The following SLC6A12 variants were observed in gnomAD, a reference collection of about 807,000 sequenced individuals.
SLC6A12 encodes sodium- and chloride-dependent betaine transporter.
SLC6A12 carries 50 observed loss-of-function variants against 73.3 expected under a neutral mutation model. That is an observed-to-expected ratio of 0.68 (90% confidence interval 0.54 to 0.86). The LOEUF is 0.86. SLC6A12 is among the 40% of genes least tolerant of loss of function. The pLI is 0.00. For missense variants in SLC6A12, 648 were observed against 772.8 expected (o/e 0.84, Z 1.92); for synonymous variants, 304 against 309.2 (o/e 0.98, Z 0.18).
the SLC6A12 span, among the ~76,000 whole-genome samples, chr12:184,422 C>G: frequency 1.3e-5 from 2 of 152,024 alleles, no homozygotes; most frequent in Non-Finnish European, 2.9e-5. Flanking sequence ...ATCAGGAGTT[C>G]GAGACCAGTC....
downstream of SLC6A12, among the ~76,000 whole-genome samples, chr12:188,255 C>T (rs111639497): frequency 0.053 from 8,001 of 152,292 alleles, 694 homozygotes; most frequent in African/African-American, 0.18. Context: ...GGTTCCGAGC[C>T]CTGCCCCACG....
At chr12:204,272 C>T (rs1297677202) in intron 4 of SLC6A12, 1 of 385,162 alleles carries the variant, frequency 2.6e-6, no homozygotes, top group African/African-American at 2.0e-5. Context: ...TCGGCTCCAG[C>T]CCCTCGCTTC....
At chr12:205,507 G>C (rs1565477122) in intron 3 of SLC6A12, among the ~76,000 whole-genome samples, 1 of 152,198 alleles carries the variant, frequency 6.6e-6, no homozygotes, top group South Asian at 2.1e-4. Flanking sequence ...CCATTTTGCA[G>C]ATAATAAAAC....
chr12:199,610 C>T (rs1940105650), intron 7 of SLC6A12: 1 of 152,254 alleles, frequency 6.6e-6, no homozygotes, highest in Non-Finnish European at 1.5e-5. Context: ...CTTTCATCAT[C>T]CCTATTACCA....
At position 190,781 on chromosome 12, in the gene SLC6A12, T is replaced by C. The variant is rs1319462461; in HGVS notation, c.*287A>G. On this transcript the variant is annotated 3_prime_UTR_variant, in exon 16 of 16. Transcript: ENST00000684302. ...CATAACTCGAGGTGTTGCAATCAGATGGCGGCCTCCAAAAAGACCCCCCTT... is the reference window on the plus strand; with the variant it reads ...CATAACTCGAGGTGTTGCAATCAGACGGCGGCCTCCAAAAAGACCCCCCTT... The C allele has an allele frequency of 3.9e-6, 1 of 254,136 alleles. No individual in the cohort carries two copies. The highest frequency in any genetic ancestry group is 7.4e-6 in the Non-Finnish European group (1 of 134,352). The allele number at this position is 254,136 out of a possible 1,614,324, so 15.7% of individuals were successfully genotyped here.
Position 190,980 on chromosome 12 carries a change from A to T in SLC6A12, c.*88T>A. On this transcript the variant is annotated 3_prime_UTR_variant, in exon 16 of 16. Coordinates refer to ENST00000684302, the MANE Select transcript of SLC6A12 (RefSeq NM_001122848.3). ...AGGTTCCCAGCAGGATTGTGGCAGG[A>T]GACAGAGGCAGAGGCTGTCCGCTGA... 8.9e-7 allele frequency: 1 copy of T among 1,129,928 alleles called. No homozygotes were observed. The highest frequency in any genetic ancestry group is 4.2e-5 in the Admixed American group (1 of 23,830). The allele number at this position is 1,129,928 out of a possible 1,614,324, so 70.0% of individuals were successfully genotyped here.
chr12:185,342 T>A (rs1939411815), downstream of SLC6A12, among the ~76,000 whole-genome samples: 1 of 152,232 alleles, frequency 6.6e-6, no homozygotes. Flanking sequence ...TCTGGCTACC[T>A]TTGCTTGCTC....
chr12:196,023 C>T (rs1262338986), intron 12 of SLC6A12, 101 bp downstream of exon 12: 9 of 1,151,030 alleles, frequency 7.8e-6, no homozygotes, highest in Middle Eastern at 2.9e-4. Flanking sequence ...TCACACCCCT[C>T]GTCAGCAGAT....
At chr12:187,632 C>CAAAAA (rs766643317), downstream of SLC6A12, among the ~76,000 whole-genome samples, 1 of 96,380 alleles carries the variant, frequency 1.0e-5, no homozygotes, top group African/African-American at 4.4e-5. Context: ...AAAAAAAAAA[C>CAAAAA]AAACCACACA....
rs372860542 is a variant in SLC6A12 at position 196,924 on chromosome 12, T to C, written c.1076-42A>G. The C allele has an allele frequency of 2.1e-6, 3 of 1,443,420 alleles. No homozygotes were observed. The African/African-American group carries it at 4.2e-5, about 20-fold the overall frequency. The allele number at this position is 1,443,420 out of a possible 1,614,324, so 89.4% of individuals were successfully genotyped here. ...ACAGTCAGGGAGGCTCCAGGGCGTG[T>C]GCTGCCCTTGGGGAAGAGGCGTCTC... On this transcript the variant is annotated intron_variant, in intron 10 of 15. Transcript: ENST00000684302.
chr12:184,324 C>A, the SLC6A12 span, among the ~76,000 whole-genome samples: 2 of 152,130 alleles, frequency 1.3e-5, no homozygotes, highest in African/African-American at 4.8e-5. Context: ...TAAATGATAT[C>A]TATCAAAAAT....
At chr12:205,903 G>A (rs910213076) in intron 3 of SLC6A12, among the ~76,000 whole-genome samples, 3 of 152,054 alleles carry the variant, frequency 2.0e-5, no homozygotes, top group South Asian at 2.1e-4. Context: ...AGTGCACTTC[G>A]TCAGTATGTT....
chr12:196,907 G>T, intron 10 of SLC6A12, 25 bp from the exon 11 acceptor site: 1 of 1,558,548 alleles, frequency 6.4e-7, no homozygotes, highest in South Asian at 1.1e-5. Context: ...GCACAGTCAG[G>T]GAGGCTCCAG....
intron 15 of SLC6A12, 140 bp downstream of exon 15, chr12:192,338 G>A (rs1361425567): frequency 2.0e-5 from 14 of 716,214 alleles, no homozygotes; most frequent in Middle Eastern, 6.7e-4. Flanking sequence ...AGTTCGTCTC[G>A]TTAAGATTCT....
In SLC6A12 at chr12:191,119, G is replaced by T; in HGVS notation, c.1794C>A (p.Pro598=). ...LDGSAGRNFG[P]SPTREGLIAG... ...CTATCAGTCCTTCCCTTGTTGGGGA[G>T]GGCCCAAAGTTCCGGCCAGCACTGC... The change falls in exon 16 of 16, where the codon CCC becomes CCA. Residue 598 remains proline (P), a synonymous_variant. Transcript: ENST00000684302. 7.4e-7 allele frequency: 1 copy of T among 1,357,120 alleles called. No homozygotes were observed. The highest frequency in any genetic ancestry group is 2.4e-5 in the South Asian group (1 of 41,480). The allele number at this position is 1,357,120 out of a possible 1,614,324, so 84.1% of individuals were successfully genotyped here.
chr12:202,621 G>A (rs1388243664), intron 5 of SLC6A12, 119 bp downstream of exon 5: 10 of 1,038,060 alleles, frequency 9.6e-6, no homozygotes, highest in Non-Finnish European at 1.4e-5. Context: ...AGGAGCCCAC[G>A]TGGCTTGGCT....
intron 11 of SLC6A12, 145 bp downstream of exon 11, chr12:196,625 C>A: frequency 1.5e-6 from 1 of 671,746 alleles, no homozygotes; most frequent in South Asian, 1.8e-5. Context: ...GCCACACCCC[C>A]AACCCCAAGG....
chr12:187,269 C>T (rs1295850048), downstream of SLC6A12, among the ~76,000 whole-genome samples: 1 of 152,112 alleles, frequency 6.6e-6, no homozygotes, highest in Non-Finnish European at 1.5e-5. Context: ...AAGCATGAAG[C>T]CGCAGACCCT....
rs1565470561 is a variant in SLC6A12 at position 198,630 on chromosome 12, GA to G, written c.846+166del. 20 of 651,050 alleles carry G rather than the reference GA, an allele frequency of 3.1e-5. No individual in the cohort carries two copies. The allele number at this position is 651,050 out of a possible 1,614,324, so 40.3% of individuals were successfully genotyped here. A position where few individuals can be genotyped will look rare whatever the true frequency, so the allele number is the denominator to read the frequency against. On this transcript the variant is annotated intron_variant, in intron 8 of 15. Coordinates refer to ENST00000684302, the MANE Select transcript of SLC6A12 (RefSeq NM_001122848.3). This position sits in a 1 kb window ranked among gnomAD's most constrained non-coding sequence, Gnocchi z 4.0. ...ATATTTGAGTGGTGGAATTACAAGA[GA>G]TTTTTTTAGTTTCTTTTTTATAGCT... is the stretch of plus-strand genomic sequence containing the variant.
Sources: gnomAD v4.1 joint callset for allele counts (sites outside exome capture counted in the v4.1 genomes callset) on GRCh38, gnomAD v4.1.1 for gene constraint, Gnocchi (gnomAD v3.1) non-coding constraint, MANE v1.5 for transcripts, NCBI Gene and HGNC (gene_info 2026-07-23, HGNC 2026-07-21) for gene names.